SP4: variants seen among roughly 807,000 people sequenced by gnomAD.
The protein encoded by SP4 is Sp4 transcription factor.
SP4 carries 19 observed loss-of-function variants against 72.8 expected under a neutral mutation model. The observed-to-expected ratio is 0.26, with a 90% CI of 0.18 to 0.38. The LOEUF is 0.38. Ranked by LOEUF, SP4 falls within the 10% of genes least tolerant of loss-of-function variation. SP4 has a pLI of 1.00. For missense variants in SP4, 1,008 were observed against 926.3 expected, an observed-to-expected ratio of 1.09 and a Z score of -1.14; for synonymous variants, 395 against 333.1, an observed-to-expected ratio of 1.19 and a Z score of -2.02.
chr7:21,476,409 TAC>T lies in SP4; in HGVS notation c.1679-669_1679-668del, dbSNP rs1437297588. 5.9e-5 allele frequency among the ~76,000 whole-genome samples: 9 copies of T among 152,240 alleles called. No homozygotes were observed. In the South Asian group the frequency reaches 1.7e-3, roughly 28 times the overall value. On this transcript the variant is annotated intron_variant, in intron 3 of 5. Coordinates refer to ENST00000222584, the MANE Select transcript of SP4 (RefSeq NM_003112.5). ...AGTGAAGAAGCCAAGCTGGTATATA[TAC>T]TAATCTGAGTGATGAAGTCTAAGCT...
At chr7:21,487,794 G>C (rs1583436583) in intron 5 of SP4, among the ~76,000 whole-genome samples, 1 of 143,684 alleles carries the variant, frequency 7.0e-6, no homozygotes, top group South Asian at 2.3e-4. Flanking sequence ...TGGTGGTGGT[G>C]GTGGTCATGG....
rs1207889459 is a variant in SP4 at position 21,460,277 on chromosome 7, C to T, written c.1679-16802C>T. On this transcript the variant is annotated intron_variant, in intron 3 of 5. Transcript: ENST00000222584. ...GTTCCTTCTGATGTGGGGATGTGTTCGAAGTTTCTTCCTTTTGGTGGGTTT... is the reference window on the plus strand; with the variant it reads ...GTTCCTTCTGATGTGGGGATGTGTTTGAAGTTTCTTCCTTTTGGTGGGTTT... Among the ~76,000 whole-genome samples, 8 of 152,154 alleles carry T rather than the reference C, an allele frequency of 5.3e-5. No individual in the cohort carries two copies. The South Asian group carries it at 6.2e-4, about 12-fold the overall frequency.
chr7:21,430,179 A>G lies in SP4; in HGVS notation c.1014A>G (p.Leu338=), dbSNP rs1782791198. 1 of 1,614,180 alleles carries G rather than the reference A, an allele frequency of 6.2e-7. No homozygotes were observed. Residue 338 remains leucine, a synonymous_variant, in exon 3 of 6, where the codon TTA becomes TTG. Coordinates refer to ENST00000222584, the MANE Select transcript of SP4 (RefSeq NM_003112.5). ...ASTSLTSSDT[L]VSSADTGQYA... ...CGTCTTTGACAAGCAGTGACACATT[A>G]GTGAGCTCAGCAGATACTGGCCAGT...
chr7:21,498,764 A>G (rs1289691405), intron 5 of SP4, among the ~76,000 whole-genome samples: 1 of 152,220 alleles, frequency 6.6e-6, no homozygotes, highest in East Asian at 1.9e-4. Context: ...ATGTATAATA[A>G]ACCAGATTCT....
intron 5 of SP4, among the ~76,000 whole-genome samples, chr7:21,509,450 C>G (rs1211360629): frequency 1.4e-5 from 2 of 144,084 alleles, no homozygotes; most frequent in African/African-American, 5.3e-5. Context: ...CCTTCAAACT[C>G]TAGGTTATAG....
At chr7:21,461,085 G>A (rs953224724) in intron 3 of SP4, among the ~76,000 whole-genome samples, 14 of 152,236 alleles carry the variant, frequency 9.2e-5, no homozygotes, top group African/African-American at 2.9e-4. Context: ...CTAGCTAGAC[G>A]TAAAGGTTGT....
intron 3 of SP4, among the ~76,000 whole-genome samples, chr7:21,442,393 G>C (rs946135894): frequency 4.6e-5 from 7 of 152,100 alleles, no homozygotes; most frequent in Admixed American, 1.3e-4. Flanking sequence ...GCATGTCATA[G>C]TTTAATTAGC....
rs1173832583 is a variant in SP4 at position 21,477,104 on chromosome 7, A to G, written c.1704A>G (p.Val568=). The G allele has an allele frequency of 6.2e-7, 1 of 1,613,772 alleles. No homozygotes were observed. Among genetic ancestry groups the G allele is most frequent in the African/African-American group, 1.3e-5 (1 of 74,910 alleles). The change falls in exon 4 of 6, where the codon GTA becomes GTG. Residue 568 remains valine, a synonymous_variant. Transcript: ENST00000222584. The part of the protein sequence containing the change: ...VAGQQQGQDG[V]KVQQATIAPV... ...GTCAGCAGCAAGGACAAGATGGAGT[A>G]AAAGTCCAGCAAGCTACTATAGCTC...
intron 3 of SP4, among the ~76,000 whole-genome samples, chr7:21,458,043 CGAA>C (rs1562599443): frequency 2.0e-5 from 3 of 152,020 alleles, no homozygotes; most frequent in East Asian, 3.8e-4. Context: ...TTATAACTTT[CGAA>C]GAAGAAATGT....
intron 5 of SP4, among the ~76,000 whole-genome samples, chr7:21,510,782 C>T (rs540138817): frequency 6.6e-6 from 1 of 152,122 alleles, no homozygotes; most frequent in Admixed American, 6.5e-5. Flanking sequence ...TTACTTGCTC[C>T]AGCTTTTATT....
intron 3 of SP4, among the ~76,000 whole-genome samples, chr7:21,442,699 G>A (rs942819420): frequency 2.0e-5 from 3 of 152,098 alleles, no homozygotes; most frequent in African/African-American, 7.2e-5. Flanking sequence ...AGGTTATGTT[G>A]GATTTCACAT....
chr7:21,443,332 C>T (rs879269819), intron 3 of SP4, among the ~76,000 whole-genome samples: 10 of 151,832 alleles, frequency 6.6e-5, no homozygotes, highest in South Asian at 2.1e-4. Context: ...AGTTTACGAT[C>T]GTAAAAGGAA....
At chr7:21,479,033 A>C (rs1183806659) in intron 4 of SP4, among the ~76,000 whole-genome samples, 1 of 151,338 alleles carries the variant, frequency 6.6e-6, no homozygotes, top group South Asian at 2.1e-4. Context: ...GCGCCACTGC[A>C]CTCCAGCCTG....
intron 5 of SP4, among the ~76,000 whole-genome samples, chr7:21,502,646 G>A (rs1781900552): frequency 6.6e-6 from 1 of 152,020 alleles, no homozygotes; most frequent in Admixed American, 6.6e-5. Flanking sequence ...ACTCAACCCA[G>A]GCATTCACAT....
intron 3 of SP4, among the ~76,000 whole-genome samples, chr7:21,432,563 G>A (rs1017228324): frequency 1.1e-4 from 17 of 152,200 alleles, no homozygotes; most frequent in Admixed American, 9.2e-4. Flanking sequence ...GTAAAGAAAT[G>A]TTTTGGCCAA....
chr7:21,445,502 G>A (rs994643655), intron 3 of SP4, among the ~76,000 whole-genome samples: 1 of 152,116 alleles, frequency 6.6e-6, no homozygotes, highest in East Asian at 1.9e-4. Flanking sequence ...ATAATATTTA[G>A]TATCTGCCAT....
chr7:21,480,579 C>G (rs1450571536), intron 4 of SP4, among the ~76,000 whole-genome samples: 1 of 152,082 alleles, frequency 6.6e-6, no homozygotes, highest in Non-Finnish European at 1.5e-5. Flanking sequence ...GTGATATCTC[C>G]TCTTTGATTT....
At chr7:21,477,434 A>G (rs184482555) in intron 4 of SP4, 127 bp downstream of exon 4, 144 of 648,506 alleles carry the variant, frequency 2.2e-4, no homozygotes, top group Admixed American at 6.0e-4. Context: ...TTGATATATA[A>G]TATTAGAAAG....
Position 21,428,183 on chromosome 7 carries a change from G to GCC in SP4, c.-68_-67dup. On this transcript the variant is annotated 5_prime_UTR_variant, in exon 1 of 6. Transcript: ENST00000222584. ...GCGGGCGGGACCGGCCTCTCCTCCC[G>GCC]CCTCGCCCCCACCCCCACCCACCTC... 5.4e-6 allele frequency: 2 copies of GCC among 370,458 alleles called. No individual in the cohort carries two copies. Among genetic ancestry groups the GCC allele is most frequent in the Non-Finnish European group, 5.3e-6 (1 of 190,022 alleles). The allele number at this position is 370,458 out of a possible 1,614,324, so 22.9% of individuals were successfully genotyped here.
Sources: allele counts gnomAD v4.1 joint callset (sites outside exome capture counted in the v4.1 genomes callset), GRCh38; gene constraint gnomAD v4.1.1; transcripts MANE v1.5; gene names NCBI Gene and HGNC (gene_info 2026-07-23, HGNC 2026-07-21).